Variants in LPAR5 observed in about 807,000 individuals in gnomAD.
LPAR5 encodes lysophosphatidic acid receptor 5.
For missense variants in LPAR5, 544 were observed against 521.8 expected, an observed-to-expected ratio of 1.04 and a Z score of -0.41; for synonymous variants, 271 against 261.6, an observed-to-expected ratio of 1.04 and a Z score of -0.35.
chr12:6,623,160 C>A (rs1203696424), intron 1 of LPAR5, among the ~76,000 whole-genome samples: 1 of 151,850 alleles, frequency 6.6e-6, no homozygotes, highest in Admixed American at 6.6e-5. Context: ...ATCACTTGAA[C>A]CCAGGAGGCG....
intron 1 of LPAR5, among the ~76,000 whole-genome samples, chr12:6,634,643 A>AC (rs35292907): frequency 0.99 from 148,018 of 149,828 alleles, 73,124 homozygotes; most frequent in South Asian, 1. Context: ...AAAAAAAAAA[A>AC]AAATTAGCCG....
chr12:6,632,343 A>G (rs1948985139), intron 1 of LPAR5, among the ~76,000 whole-genome samples: 1 of 152,156 alleles, frequency 6.6e-6, no homozygotes, highest in Non-Finnish European at 1.5e-5. Context: ...TCTGAAAAGA[A>G]GGTTCTTACA....
intron 1 of LPAR5, among the ~76,000 whole-genome samples, chr12:6,624,769 C>T (rs536107846): frequency 1.1e-4 from 16 of 152,164 alleles, no homozygotes; most frequent in South Asian, 6.2e-4. Context: ...TACAGGCATG[C>T]GCCACCACGC....
At chr12:6,622,516 A>T (rs1592297690) in intron 1 of LPAR5, among the ~76,000 whole-genome samples, 2 of 151,594 alleles carry the variant, frequency 1.3e-5, no homozygotes, top group East Asian at 1.9e-4. Context: ...TGGGAGGCTG[A>T]GGTGGGCGGA....
At chr12:6,632,249 G>C (rs1441769571) in intron 1 of LPAR5, among the ~76,000 whole-genome samples, 1 of 152,174 alleles carries the variant, frequency 6.6e-6, no homozygotes, top group Non-Finnish European at 1.5e-5. Flanking sequence ...GGAATTACAG[G>C]CGTGAGCCAC....
intron 1 of LPAR5, among the ~76,000 whole-genome samples, chr12:6,634,302 G>T (rs976952910): frequency 6.7e-6 from 1 of 149,972 alleles, no homozygotes; most frequent in Non-Finnish European, 1.5e-5. Flanking sequence ...ACCACGCTCC[G>T]CTCTACAAAA....
chr12:6,619,632 A>G lies in LPAR5; in HGVS notation c.*498T>C. 1 of 309,678 alleles carries G rather than the reference A, an allele frequency of 3.2e-6. No individual in the cohort carries two copies. The highest frequency in any genetic ancestry group is 2.9e-5 in the South Asian group (1 of 34,734). The allele number at this position is 309,678 out of a possible 1,614,324, so 19.2% of individuals were successfully genotyped here. On this transcript the variant is annotated 3_prime_UTR_variant, in exon 2 of 2. Transcript: ENST00000329858. ...CATAGGAACTCTTGTATTAGGCCTC[A>G]GTGGTGAGCAGGGGAAGCCTAGGCC...
intron 1 of LPAR5, among the ~76,000 whole-genome samples, chr12:6,635,009 C>T (rs1392868933): frequency 6.6e-6 from 1 of 151,720 alleles, no homozygotes; most frequent in Non-Finnish European, 1.5e-5. Context: ...ATTGCTTGAA[C>T]CCAGGAGGCG....
chr12:6,621,382 T>C lies in LPAR5; in HGVS notation c.-134A>G. The C allele has an allele frequency of 1.2e-6, 1 of 859,428 alleles. No homozygotes were observed. Among genetic ancestry groups the C allele is most frequent in the Non-Finnish European group, 1.6e-6 (1 of 612,634 alleles). The allele number at this position is 859,428 out of a possible 1,614,324, so 53.2% of individuals were successfully genotyped here. On this transcript the variant is annotated 5_prime_UTR_variant, in exon 2 of 2. An upstream start codon of the reference 5' UTR is lost. Coordinates refer to ENST00000329858, the MANE Select transcript of LPAR5 (RefSeq NM_020400.6). ...TCCCAAAACAAGCAGAGGGAGGTCA[T>C]GGGAATGTGGGCTATGGCTGCAGGG...
At chr12:6,628,710 G>A (rs938477588) in intron 1 of LPAR5, among the ~76,000 whole-genome samples, 2 of 145,542 alleles carry the variant, frequency 1.4e-5, no homozygotes, top group Non-Finnish European at 3.0e-5. Context: ...TCCGCTCACC[G>A]CAACCTCTGC....
intron 1 of LPAR5, among the ~76,000 whole-genome samples, chr12:6,633,030 C>A (rs1275319816): frequency 6.6e-6 from 1 of 152,212 alleles, no homozygotes; most frequent in Non-Finnish European, 1.5e-5. Context: ...TCGGCCCTGG[C>A]TTCTCCCTCC....
In LPAR5 at chr12:6,620,183, C is replaced by T. The variant is rs1948876442; in HGVS notation, c.1066G>A (p.Asp356Asn). The T allele has an allele frequency of 1.2e-6, 2 of 1,613,034 alleles. No homozygotes were observed. Among genetic ancestry groups the T allele is most frequent in the South Asian group, 1.1e-5 (1 of 91,010 alleles). Residue 356 changes from aspartate (D) to asparagine (N), a missense_variant, in exon 2 of 2, where the codon GAC (aspartate) becomes AAC (asparagine). Coordinates refer to ENST00000329858, the MANE Select transcript of LPAR5 (RefSeq NM_020400.6). The surrounding 1 kb of genome is among the most constrained non-coding windows in gnomAD (Gnocchi z 6.8). ...AASQGLLRPS[D>N]SHSLSSFTQC... is the part of the protein sequence containing the mutation. ...GTGAAGGAAGACAGAGAGTGGGAGT[C>T]GGAGGGTCGGAGCAGCCCCTGACTG...
rs1330116180 is a variant in LPAR5 at position 6,628,993 on chromosome 12, A to G, written c.-217+6914T>C. On this transcript the variant is annotated intron_variant, in intron 1 of 1. Transcript: ENST00000329858. ...ACTATGTTGGCCAGGCTGGTCTCGA[A>G]CTCCTGACCTCAGGTAATCCGCCTG... Among the ~76,000 whole-genome samples, 3 of 147,342 alleles carry G rather than the reference A, an allele frequency of 2.0e-5. No individual in the cohort carries two copies. In the South Asian group the frequency reaches 6.8e-4, roughly 33 times the overall value.
At chr12:6,629,234 G>C (rs1948966058) in intron 1 of LPAR5, among the ~76,000 whole-genome samples, 2 of 151,592 alleles carry the variant, frequency 1.3e-5, no homozygotes, top group African/African-American at 4.8e-5. Context: ...AAATTAGCCA[G>C]GGGTGGTGGC....
At chr12:6,634,308 CA>C (rs988292302) in intron 1 of LPAR5, among the ~76,000 whole-genome samples, 1 of 149,822 alleles carries the variant, frequency 6.7e-6, no homozygotes, top group Non-Finnish European at 1.5e-5. Context: ...CTCCGCTCTA[CA>C]AAAAAATTTC....
chr12:6,622,776 A>T (rs980073666), intron 1 of LPAR5, among the ~76,000 whole-genome samples: 3 of 151,874 alleles, frequency 2.0e-5, no homozygotes, highest in Non-Finnish European at 2.9e-5. Flanking sequence ...TTAAAAAATT[A>T]AAAAATTAGC....
Position 6,620,333 on chromosome 12 carries a change from T to C in LPAR5, c.916A>G (p.Asn306Asp), listed in dbSNP as rs925914746. Residue 306 changes from asparagine (N) to aspartate (D), a missense_variant, in exon 2 of 2, where the codon AAC becomes GAC. Coordinates refer to ENST00000329858, the MANE Select transcript of LPAR5 (RefSeq NM_020400.6). The surrounding 1 kb of genome is among the most constrained non-coding windows in gnomAD (Gnocchi z 6.8). ...GGAGTGCCCAGGCCGCGCAGGGTGT[T>C]GCGGAAGCCCTCGGCGCTAAAGTAG... is the stretch of plus-strand genomic sequence containing the variant. ...VYYFSAEGFRNTLRGLGTPHR... is the reference protein window; with the variant it reads ...VYYFSAEGFRDTLRGLGTPHR... 2 of 1,610,258 alleles carry C rather than the reference T, an allele frequency of 1.2e-6. No individual in the cohort carries two copies. Among genetic ancestry groups the C allele is most frequent in the Non-Finnish European group, 8.5e-7 (1 of 1,178,576 alleles).
chr12:6,620,421 G>C lies in LPAR5; in HGVS notation c.828C>G (p.Arg276=), dbSNP rs769997722. The C allele has an allele frequency of 6.2e-7, 1 of 1,607,732 alleles. No homozygotes were observed. Among genetic ancestry groups the C allele is most frequent in the African/African-American group, 1.3e-5 (1 of 74,792 alleles). The change falls in exon 2 of 2, where the codon CGC becomes CGG. Residue 276 remains arginine, a synonymous_variant. Coordinates refer to ENST00000329858, the MANE Select transcript of LPAR5 (RefSeq NM_020400.6). This position sits in a 1 kb window ranked among gnomAD's most constrained non-coding sequence, Gnocchi z 6.8. ...AASVPARDRV[R]GVLMVMVLLA... is the part of the protein sequence containing the mutation. ...GCAGCACCATCACCATCAGCACCCCGCGCACGCGATCGCGGGCAGGCACGC... is the reference window on the plus strand; with the variant it reads ...GCAGCACCATCACCATCAGCACCCCCCGCACGCGATCGCGGGCAGGCACGC...
At position 6,620,832 on chromosome 12, in the gene LPAR5, C is replaced by G. The variant is rs774828097; in HGVS notation, c.417G>C (p.Arg139=). Reference sequence around the variant, plus strand: ...GCGCCCACACGCCCAGGCAGAGCAGCCGCGCCACGCGGGGCCGCCGCAGGT... The same window carrying G: ...GCGCCCACACGCCCAGGCAGAGCAGGCGCGCCACGCGGGGCCGCCGCAGGT... ...LRHLRRPRVA[R]LLCLGVWALI... is the part of the protein sequence containing the mutation. The change falls in exon 2 of 2, where the codon CGG becomes CGC. Residue 139 remains arginine (R), a synonymous_variant. Coordinates refer to ENST00000329858, the MANE Select transcript of LPAR5 (RefSeq NM_020400.6). This position sits in a 1 kb window ranked among gnomAD's most constrained non-coding sequence, Gnocchi z 6.8. 7.0e-6 allele frequency: 11 copies of G among 1,560,480 alleles called. No homozygotes were observed. The Middle Eastern group carries it at 5.1e-4, about 72-fold the overall frequency.
Sources: gnomAD v4.1 joint callset for allele counts (sites outside exome capture counted in the v4.1 genomes callset) on GRCh38, gnomAD v4.1.1 for gene constraint, Gnocchi (gnomAD v3.1) non-coding constraint, MANE v1.5 for transcripts, NCBI Gene and HGNC (gene_info 2026-07-23, HGNC 2026-07-21) for gene names.